The following IGFN1 variants were observed in gnomAD, a reference collection of about 807,000 sequenced individuals.
IGFN1 encodes immunoglobulin-like and fibronectin type III domain-containing protein 1.
In IGFN1, 253 loss-of-function variants were observed where a neutral mutation model predicts 289.5. The observed-to-expected ratio is 0.87, with a 90% CI of 0.79 to 0.97. The LOEUF is 0.97. Among genes scored for constraint, IGFN1 ranks in the 50% least tolerant of loss-of-function variants. IGFN1 has a pLI of 0.00. For missense variants in IGFN1, 4,470 were observed against 4,686.1 expected (o/e 0.95, Z 1.35); for synonymous variants, 1,706 against 1,788.5 (o/e 0.95, Z 1.16).
Position 201,207,957 on chromosome 1 carries a change from G to A in IGFN1, c.3064G>A (p.Gly1022Arg), listed in dbSNP as rs1667512049. ...CGGAGCGCCTGGGGGAGTGTGGTCT[G>A]GAAATGAAGATTCTGGCCCTGCAGG... ...GSGAPGGVWS[G>R]NEDSGPAGGG... Residue 1022 changes from glycine to arginine, a missense_variant, in exon 12 of 24, where the codon GGA (glycine) becomes AGA (arginine). Around this residue, in one of 8 missense-constraint regions of IGFN1, gnomAD observed 2,011 missense variants for 1,953.4 expected, o/e 1.03. Transcript: ENST00000335211. The A allele has an allele frequency of 6.5e-7, 1 of 1,536,874 alleles. No homozygotes were observed. Among genetic ancestry groups the A allele is most frequent in the African/African-American group, 1.4e-5 (1 of 73,070 alleles).
At position 201,195,276 on chromosome 1, in the gene IGFN1, C is replaced by T. The variant is rs191268966; in HGVS notation, c.128-563C>T. On this transcript the variant is annotated intron_variant, in intron 3 of 23. Coordinates refer to ENST00000335211, the MANE Select transcript of IGFN1 (RefSeq NM_001164586.2). ...AAGTGATTCTCCTGCCTCAGCCTCC[C>T]AAGTAGCTGGGATTACAGGCACATG... Among the ~76,000 whole-genome samples the T allele has an allele frequency of 3.2e-3, 488 of 152,148 alleles. 3 individuals carry two copies. Among genetic ancestry groups the T allele is most frequent in the African/African-American group, 9.9e-3 (412 of 41,506 alleles).
In IGFN1 at chr1:201,212,053, G is replaced by T; in HGVS notation, c.7160G>T (p.Gly2387Val). 2 of 1,536,410 alleles carry T rather than the reference G, an allele frequency of 1.3e-6. No individual in the cohort carries two copies. The highest frequency in any genetic ancestry group is 1.7e-6 in the Non-Finnish European group (2 of 1,146,754). ...GGACCCAGAGGCCATAAAGCCATGG[G>T]TCACAGGTCAGGATATTGGGTAGCA... is the stretch of plus-strand genomic sequence containing the variant. ...EAGPRGHKAM[G>V]HRSGYWVASE... Residue 2387 changes from glycine to valine, a missense_variant, in exon 12 of 24, where the codon GGT (glycine) becomes GTT (valine). Gly to Val is a moderately radical substitution (Grantham distance 109). Transcript: ENST00000335211.
At chr1:201,213,888 C>G (rs545405357) in intron 12 of IGFN1, among the ~76,000 whole-genome samples, 2 of 152,290 alleles carry the variant, frequency 1.3e-5, no homozygotes, top group South Asian at 4.1e-4. Context: ...AGTTGTTGAC[C>G]CAACTCTCTG....
chr1:201,228,415 G>C lies in IGFN1; in HGVS notation c.*16G>C, dbSNP rs751765209. The C allele has an allele frequency of 8.1e-6, 13 of 1,613,662 alleles. No homozygotes were observed. The highest frequency in any genetic ancestry group is 1.1e-5 in the Non-Finnish European group (13 of 1,179,610). ...CAGCACCTAGCCTCACCTCACCCTG[G>C]GATGGTCCTGGACCCTTGAAGCTTC... On this transcript the variant is annotated 3_prime_UTR_variant, in exon 24 of 24. Transcript: ENST00000335211.
In IGFN1 at chr1:201,212,152, C is replaced by T; in HGVS notation, c.7259C>T (p.Pro2420Leu). 6.5e-7 allele frequency: 1 copy of T among 1,536,184 alleles called. No individual in the cohort carries two copies. The highest frequency in any genetic ancestry group is 8.7e-7 in the Non-Finnish European group (1 of 1,146,672). ...ACCAGGCTTGTGGATGGGGCAGGACCTGGGGTGGAACCTGGGATGGCTGGA... is the reference window on the plus strand; with the variant it reads ...ACCAGGCTTGTGGATGGGGCAGGACTTGGGGTGGAACCTGGGATGGCTGGA... ...RETRLVDGAG[P>L]GVEPGMAGMP... Residue 2420 changes from proline (P) to leucine (L), a missense_variant, in exon 12 of 24, where the codon CCT becomes CTT. Physicochemically the swap from Pro to Leu is moderately conservative, Grantham distance 98. Transcript: ENST00000335211.
intron 9 of IGFN1, among the ~76,000 whole-genome samples, chr1:201,203,487 T>A (rs532085209): frequency 2.6e-5 from 4 of 152,326 alleles, no homozygotes; most frequent in African/African-American, 9.6e-5. Flanking sequence ...TGCCCCTTTG[T>A]ATAACACTTG....
At chr1:201,200,505 CT>C in intron 8 of IGFN1, 94 bp downstream of exon 8, 1 of 981,092 alleles carries the variant, frequency 1.0e-6, no homozygotes, top group Non-Finnish European at 1.5e-6. Context: ...GGAGGCAGAA[CT>C]TAGGAAACCA....
rs1172567445 is a variant in IGFN1, at chr1:201,206,287, TTGGCAGACA to T, written c.1399_1407del (p.Arg467_Gly469del). ...ATAGCCAGCCCAGACAGGGATGGCC[TTGGCAGACA>T]TGGCTACTCCTTGATGGGGGACAAA... On this transcript the variant is annotated inframe_deletion, in exon 12 of 24. Transcript: ENST00000335211. 1 of 1,549,510 alleles carries T rather than the reference TTGGCAGACA, an allele frequency of 6.5e-7. No individual in the cohort carries two copies. Among genetic ancestry groups the T allele is most frequent in the Admixed American group, 2.0e-5 (1 of 50,948 alleles).
In IGFN1 at chr1:201,215,775, T is replaced by C; in HGVS notation, c.9232T>C (p.Tyr3078His). 1 of 1,603,706 alleles carries C rather than the reference T, an allele frequency of 6.2e-7. No individual in the cohort carries two copies. Among genetic ancestry groups the C allele is most frequent in the Non-Finnish European group, 8.5e-7 (1 of 1,174,216 alleles). The change falls in exon 15 of 24, where the codon TAC becomes CAC. Residue 3078 changes from tyrosine to histidine, a missense_variant. By Grantham distance (83) the Tyr-to-His change is moderately conservative. Coordinates refer to ENST00000335211, the MANE Select transcript of IGFN1 (RefSeq NM_001164586.2). ...PSAGRKDCGQ[Y>H]SVTLRSEGGS... is the part of the protein sequence containing the mutation. ...CGCAGGCAGGAAGGACTGTGGCCAG[T>C]ACAGCGTGACACTGAGGAGTGAGGG...
chr1:201,223,451 A>G (rs760085700), intron 20 of IGFN1, among the ~76,000 whole-genome samples: 5 of 151,726 alleles, frequency 3.3e-5, no homozygotes, highest in Non-Finnish European at 7.4e-5. Context: ...GCTTACTGCA[A>G]CCTCCACCTC....
intron 10 of IGFN1, 125 bp from the exon 11 acceptor site, chr1:201,204,957 G>A: frequency 1.1e-6 from 1 of 943,228 alleles, no homozygotes; most frequent in South Asian, 1.8e-5. Flanking sequence ...ACCTGTCCAA[G>A]GTAACATGGG....
At position 201,195,820 on chromosome 1, in the gene IGFN1, T is replaced by C; in HGVS notation, c.128-19T>C. Reference sequence around the variant, plus strand: ...TCTCCCAACTTGTCAGTCTCCCTACTCGTCTCTTCCTGCTGCAGGGAAAAA... The same window carrying C: ...TCTCCCAACTTGTCAGTCTCCCTACCCGTCTCTTCCTGCTGCAGGGAAAAA... On this transcript the variant is annotated intron_variant, in intron 3 of 23. Transcript: ENST00000335211. 6.5e-7 allele frequency: 1 copy of C among 1,550,056 alleles called. No homozygotes were observed. The highest frequency in any genetic ancestry group is 2.0e-5 in the Admixed American group (1 of 50,838).
In IGFN1 at chr1:201,224,794, C is replaced by T. The variant is rs1653971864; in HGVS notation, c.10406C>T (p.Ser3469Leu). ...CTTCTGATCCCTGTGGCTGGACTCT[C>T]AGACAGTGGTCTCTACACTGTGGTG... is the stretch of plus-strand genomic sequence containing the variant. ...TQLLIPVAGLSDSGLYTVVLR... is the reference protein window; with the variant it reads ...TQLLIPVAGLLDSGLYTVVLR... Residue 3469 changes from serine to leucine, a missense_variant, in exon 21 of 24, where the codon TCA (serine) becomes TTA (leucine). Ser to Leu is a moderately radical substitution (Grantham distance 145). Transcript: ENST00000335211. 6.2e-7 allele frequency: 1 copy of T among 1,614,170 alleles called. No individual in the cohort carries two copies. Among genetic ancestry groups the T allele is most frequent in the Non-Finnish European group, 8.5e-7 (1 of 1,180,004 alleles).
Position 201,211,643 on chromosome 1 carries a change from T to A in IGFN1, c.6750T>A (p.Tyr2250Ter). Residue 2250 changes from tyrosine (Y) to a stop codon, truncating the protein, a stop_gained, in exon 12 of 24, where the codon TAT becomes TAA. Transcript: ENST00000335211. LOFTEE classifies it high-confidence loss of function. ...GEMGSMDEADYRKDLGAPEEM... is the reference protein window; with the variant it reads ...GEMGSMDEAD ...TGGGGTCAATGGATGAGGCAGATTATAGGAAGGATTTGGGAGCTCCTGAGG... is the reference window on the plus strand; with the variant it reads ...TGGGGTCAATGGATGAGGCAGATTAAAGGAAGGATTTGGGAGCTCCTGAGG... 6.5e-7 allele frequency: 1 copy of A among 1,536,964 alleles called. No individual in the cohort carries two copies. Among genetic ancestry groups the A allele is most frequent in the African/African-American group, 1.4e-5 (1 of 73,088 alleles).
At chr1:201,192,656 C>G (rs1339711544) in intron 1 of IGFN1, among the ~76,000 whole-genome samples, 4 of 152,270 alleles carry the variant, frequency 2.6e-5, no homozygotes, top group South Asian at 4.1e-4. Context: ...CCCCTGCAGA[C>G]CTTGTGACTG....
Position 201,226,907 on chromosome 1 carries a change from C to T in IGFN1, c.10812C>T (p.Cys3604=), listed in dbSNP as rs1256424529. ...ACAGGTTCACAGTGAAGGCTCCGTG[C>T]TACCGGGAGCCCGACCTGAGCCAGA... ...QRDRFTVKAP[C]YREPDLSQKP... The change falls in exon 23 of 24, where the codon TGC becomes TGT. Residue 3604 remains cysteine, a synonymous_variant. Coordinates refer to ENST00000335211, the MANE Select transcript of IGFN1 (RefSeq NM_001164586.2). The T allele has an allele frequency of 1.2e-6, 2 of 1,603,238 alleles. No individual in the cohort carries two copies. The highest frequency in any genetic ancestry group is 1.7e-6 in the Non-Finnish European group (2 of 1,174,104).
Position 201,208,472 on chromosome 1 carries a change from A to G in IGFN1, c.3579A>G (p.Ala1193=). ...RDDTRHPESL[A]PHNGAASGSQ... is the part of the protein sequence containing the mutation. ...ATACCAGGCACCCTGAGTCACTCGC[A>G]CCTCACAATGGGGCCGCTTCTGGGA... The change falls in exon 12 of 24, where the codon GCA becomes GCG. Residue 1193 remains alanine (A), a synonymous_variant. Transcript: ENST00000335211. 1 of 1,445,980 alleles carries G rather than the reference A, an allele frequency of 6.9e-7. No homozygotes were observed. Among genetic ancestry groups the G allele is most frequent in the Non-Finnish European group, 9.0e-7 (1 of 1,106,540 alleles). 89.6% of individuals were successfully genotyped at this position (1,445,980 alleles called of 1,614,324 possible).
intron 14 of IGFN1, 86 bp from the exon 15 acceptor site, chr1:201,215,453 C>G: frequency 7.8e-7 from 1 of 1,276,044 alleles, no homozygotes; most frequent in African/African-American, 1.5e-5. Flanking sequence ...ACTCTTCCCC[C>G]AAACTTCCTT....
At position 201,203,753 on chromosome 1, in the gene IGFN1, C is replaced by A; in HGVS notation, c.763C>A (p.Pro255Thr). The part of the protein sequence containing the change: ...IYLYKDGEMI[P>T]YGFNNQTKHC... ...CTGGCCTTAGGATGGTGAGATGATC[C>A]CCTATGGCTTCAACAACCAAACCAA... The change falls in exon 10 of 24, where the codon CCC becomes ACC. Residue 255 changes from proline (P) to threonine (T), a missense_variant. By Grantham distance (38) the Pro-to-Thr change is conservative. Around this residue, in one of 8 missense-constraint regions of IGFN1, gnomAD observed 2,011 missense variants for 1,953.4 expected, o/e 1.03. Coordinates refer to ENST00000335211, the MANE Select transcript of IGFN1 (RefSeq NM_001164586.2). The A allele has an allele frequency of 6.4e-7, 1 of 1,551,716 alleles. No individual in the cohort carries two copies. The highest frequency in any genetic ancestry group is 2.4e-5 in the East Asian group (1 of 40,920).
Sources: gnomAD v4.1 joint callset for allele counts (sites outside exome capture counted in the v4.1 genomes callset) on GRCh38, gnomAD v4.1.1 for gene constraint, gnomAD v4.1.1 regional missense constraint, MANE v1.5 for transcripts, NCBI Gene and HGNC (gene_info 2026-07-23, HGNC 2026-07-21) for gene names.